PRKG1: variants seen among roughly 807,000 people sequenced by gnomAD.
PRKG1 encodes the protein protein kinase cGMP-dependent 1.
A neutral mutation model predicts 88.1 loss-of-function variants in PRKG1; 35 were observed. The ratio of observed to expected loss-of-function variants is 0.40; its 90% CI spans 0.30 to 0.53. PRKG1 has a LOEUF of 0.53. PRKG1 is among the 20% of genes least tolerant of loss of function. PRKG1 has a pLI of 0.59. For synonymous variants in PRKG1, 303 were observed against 292.5 expected (o/e 1.04, Z -0.37); for missense variants, 540 against 839.8 (o/e 0.64, Z 4.41).
chr10:51,617,700 C>T (rs1328014016), intron 3 of PRKG1, among the ~76,000 whole-genome samples: 1 of 152,198 alleles, frequency 6.6e-6, no homozygotes, highest in Non-Finnish European at 1.5e-5. Flanking sequence ...TGTGCCACTA[C>T]ATTCTATATT....
intron 3 of PRKG1, among the ~76,000 whole-genome samples, chr10:51,728,414 T>C (rs1168378563): frequency 6.6e-6 from 1 of 151,356 alleles, no homozygotes; most frequent in Non-Finnish European, 1.5e-5. Flanking sequence ...AAAAATGTGC[T>C]CTTTACAACA....
At chr10:51,819,912 A>G (rs887657629) in intron 4 of PRKG1, among the ~76,000 whole-genome samples, 2 of 152,204 alleles carry the variant, frequency 1.3e-5, no homozygotes, top group African/African-American at 4.8e-5. Context: ...TGATAAATTC[A>G]TAATCATTGA....
chr10:51,933,149 T>C (rs547334410), intron 5 of PRKG1, among the ~76,000 whole-genome samples: 1 of 152,258 alleles, frequency 6.6e-6, no homozygotes, highest in African/African-American at 2.4e-5. Flanking sequence ...ATTACAATCC[T>C]ATCTTACATT....
In PRKG1 at chr10:52,293,803, T is replaced by C. The variant is rs1279533955; in HGVS notation, c.1964T>C (p.Val655Ala). Residue 655 changes from valine to alanine, a missense_variant and splice_region_variant, in exon 18 of 18, where the codon GTT becomes GCT. Val to Ala is a moderately conservative substitution (Grantham distance 64). Around this residue, in one of 5 missense-constraint regions of PRKG1, gnomAD observed 97 missense variants for 210.6 expected, o/e 0.46. Transcript: ENST00000373980. ...GTLTPPIIPS[V>A]ASPTDTSNFD... is the part of the protein sequence containing the mutation. ...AAAAAACCTGTCCATTTTTTACAGG[T>C]TGCATCACCCACAGACACAAGTAAT... is the stretch of plus-strand genomic sequence containing the variant. 5.6e-6 allele frequency: 9 copies of C among 1,611,414 alleles called. 1 individual carries two copies. In the South Asian group the frequency reaches 9.9e-5, roughly 18 times the overall value.
chr10:52,293,674 C>T (rs1842319935), intron 17 of PRKG1, 128 bp from the exon 18 acceptor site: 3 of 698,144 alleles, frequency 4.3e-6, no homozygotes, highest in Admixed American at 2.5e-5. Context: ...ACCCTCAATA[C>T]CTGCTACATA....
chr10:51,297,389 T>C (rs558808299), intron 2 of PRKG1, among the ~76,000 whole-genome samples: 1 of 152,260 alleles, frequency 6.6e-6, no homozygotes, highest in African/African-American at 2.4e-5. Flanking sequence ...CTTTAACTGC[T>C]AAGTCGCCAT....
intron 3 of PRKG1, among the ~76,000 whole-genome samples, chr10:51,665,482 ATCCACCCATAG>A (rs1344577510): frequency 1.3e-5 from 2 of 152,146 alleles, no homozygotes; most frequent in African/African-American, 4.8e-5. Flanking sequence ...GTAAACTATT[ATCCACCCATAG>A]TCAACATTTT....
At chr10:51,650,536 C>A (rs1840015042) in intron 3 of PRKG1, among the ~76,000 whole-genome samples, 1 of 152,148 alleles carries the variant, frequency 6.6e-6, no homozygotes, top group South Asian at 2.1e-4. Flanking sequence ...TGTTGACTTT[C>A]AAACTATTAT....
At chr10:51,587,034 C>G (rs904586021) in intron 3 of PRKG1, among the ~76,000 whole-genome samples, 1 of 152,044 alleles carries the variant, frequency 6.6e-6, no homozygotes, top group Non-Finnish European at 1.5e-5. Flanking sequence ...TGTACTCAAA[C>G]CTCACTAAAA....
intron 2 of PRKG1, among the ~76,000 whole-genome samples, chr10:51,202,561 G>A (rs1413058545): frequency 6.6e-6 from 1 of 152,118 alleles, no homozygotes; most frequent in Non-Finnish European, 1.5e-5. Context: ...AAAAGACATA[G>A]ACTCTTCTAA....
At chr10:51,207,745 T>C (rs897418445) in intron 2 of PRKG1, among the ~76,000 whole-genome samples, 1 of 152,190 alleles carries the variant, frequency 6.6e-6, no homozygotes, top group African/African-American at 2.4e-5. Flanking sequence ...TTATAACGTT[T>C]TTCTACTTTC....
At chr10:52,207,699 C>T (rs1264758208) in intron 9 of PRKG1, among the ~76,000 whole-genome samples, 1 of 152,112 alleles carries the variant, frequency 6.6e-6, no homozygotes, top group Non-Finnish European at 1.5e-5. Flanking sequence ...GCTGAGATTC[C>T]AGGGGTCTAT....
chr10:51,218,961 G>C (rs937824811), intron 2 of PRKG1, among the ~76,000 whole-genome samples: 1 of 152,060 alleles, frequency 6.6e-6, no homozygotes, highest in Admixed American at 6.6e-5. Flanking sequence ...ACTTTACCTT[G>C]GGCAAGTTAT....
intron 1 of PRKG1, among the ~76,000 whole-genome samples, chr10:51,026,976 A>G (rs1843214880): frequency 6.6e-6 from 1 of 152,168 alleles, no homozygotes; most frequent in Admixed American, 6.5e-5. Context: ...ACCTATAATC[A>G]AATCTATATC....
intron 3 of PRKG1, among the ~76,000 whole-genome samples, chr10:51,745,402 T>C (rs1165153298): frequency 6.6e-6 from 1 of 152,200 alleles, no homozygotes; most frequent in African/African-American, 2.4e-5. Context: ...GTGTACCTTC[T>C]ACCCATGATG....
At chr10:52,183,571 T>C (rs1045926892) in intron 9 of PRKG1, among the ~76,000 whole-genome samples, 4 of 152,214 alleles carry the variant, frequency 2.6e-5, no homozygotes, top group Non-Finnish European at 5.9e-5. Context: ...ATCCTGGGCC[T>C]AGGCTCTTCA....
chr10:52,154,782 A>T (rs2132674228), intron 8 of PRKG1, among the ~76,000 whole-genome samples: 1 of 152,168 alleles, frequency 6.6e-6, no homozygotes. Flanking sequence ...GTAGTCTTTT[A>T]TCTCCCACCC....
intron 3 of PRKG1, among the ~76,000 whole-genome samples, chr10:51,483,178 G>A (rs939065719): frequency 6.6e-6 from 1 of 151,828 alleles, no homozygotes; most frequent in African/African-American, 2.4e-5. Context: ...CTGCCACCAC[G>A]ACTGGCTAAT....
intron 5 of PRKG1, among the ~76,000 whole-genome samples, chr10:51,968,437 A>G (rs1843624326): frequency 6.6e-6 from 1 of 152,104 alleles, no homozygotes; most frequent in South Asian, 2.1e-4. Flanking sequence ...AAGACTGTGA[A>G]AATGATCATT....
Sources: gnomAD v4.1 joint callset for allele counts (sites outside exome capture counted in the v4.1 genomes callset) on GRCh38, gnomAD v4.1.1 for gene constraint, gnomAD v4.1.1 regional missense constraint, MANE v1.5 for transcripts, NCBI Gene and HGNC (gene_info 2026-07-23, HGNC 2026-07-21) for gene names.